SYT1: variants seen among roughly 807,000 people sequenced by gnomAD.
SYT1 encodes synaptotagmin-1.
Under a neutral mutation model 44.8 loss-of-function variants are expected in SYT1, and 8 were observed. The observed-to-expected ratio is 0.18, with a 90% CI of 0.10 to 0.32. The LOEUF is 0.32. Among genes scored for constraint, SYT1 ranks in the 10% least tolerant of loss-of-function variants. The pLI is 1.00. For missense variants in SYT1, 286 were observed against 509.3 expected (o/e 0.56, Z 4.22); for synonymous variants, 154 against 188.8 (o/e 0.82, Z 1.51).
chr12:78,889,466 G>A (rs757052016), intron 1 of SYT1, among the ~76,000 whole-genome samples: 1 of 151,874 alleles, frequency 6.6e-6, no homozygotes, highest in Non-Finnish European at 1.5e-5. Context: ...TCTACAATAG[G>A]TAAAAAGAGA....
At chr12:79,083,023 A>G (rs1164611518) in intron 3 of SYT1, among the ~76,000 whole-genome samples, 3 of 152,182 alleles carry the variant, frequency 2.0e-5, no homozygotes, top group Admixed American at 2.0e-4. Context: ...AACAGACACA[A>G]ATGAAAAAAA....
intron 1 of SYT1, among the ~76,000 whole-genome samples, chr12:78,884,223 GATT>G (rs1350614571): frequency 6.6e-6 from 1 of 151,356 alleles, no homozygotes; most frequent in African/African-American, 2.4e-5. Context: ...TTTTCAGTTA[GATT>G]ATTTTATTTA....
chr12:78,899,128 T>C (rs1324006939), intron 1 of SYT1, among the ~76,000 whole-genome samples: 1 of 152,082 alleles, frequency 6.6e-6, no homozygotes, highest in Non-Finnish European at 1.5e-5. Flanking sequence ...GTGGAAACTA[T>C]TGCTCACTAA....
intron 1 of SYT1, among the ~76,000 whole-genome samples, chr12:78,888,812 C>T (rs1874886352): frequency 6.6e-6 from 1 of 151,890 alleles, no homozygotes; most frequent in African/African-American, 2.4e-5. Context: ...CTCCTGCTCA[C>T]TGTCACTTCT....
At chr12:79,223,696 G>A (rs759600491) in intron 4 of SYT1, among the ~76,000 whole-genome samples, 1 of 152,164 alleles carries the variant, frequency 6.6e-6, no homozygotes, top group Non-Finnish European at 1.5e-5. Context: ...TACCAACCCA[G>A]TGGCGATACA....
intron 3 of SYT1, among the ~76,000 whole-genome samples, chr12:79,138,697 T>C (rs1812656445): frequency 6.6e-6 from 1 of 152,212 alleles, no homozygotes; most frequent in African/African-American, 2.4e-5. Context: ...AAACAAACGA[T>C]GCCTGGCATA....
intron 9 of SYT1, among the ~76,000 whole-genome samples, chr12:79,441,433 A>G (rs1395815090): frequency 6.6e-6 from 1 of 151,854 alleles, no homozygotes; most frequent in Admixed American, 6.6e-5. Context: ...CTCCTGCCTC[A>G]CCTTTGGAGT....
chr12:78,899,341 C>T (rs1875533572), intron 1 of SYT1, among the ~76,000 whole-genome samples: 1 of 151,780 alleles, frequency 6.6e-6, no homozygotes, highest in African/African-American at 2.4e-5. Flanking sequence ...CTAAGAAATG[C>T]AGAATGTCAA....
chr12:79,427,811 G>A (rs528442142), intron 9 of SYT1, among the ~76,000 whole-genome samples: 2 of 152,290 alleles, frequency 1.3e-5, no homozygotes, highest in Admixed American at 1.3e-4. Context: ...GGAGCGTCCT[G>A]AGAGAAGAAA....
chr12:79,194,716 G>C (rs1592842020), intron 3 of SYT1, among the ~76,000 whole-genome samples: 1 of 152,072 alleles, frequency 6.6e-6, no homozygotes, highest in East Asian at 1.9e-4. Flanking sequence ...ATCATGAAGG[G>C]TATGTGTGTG....
At chr12:79,408,396 C>T (rs4609662) in intron 9 of SYT1, among the ~76,000 whole-genome samples, 20,767 of 152,154 alleles carry the variant, frequency 0.14, 1,855 homozygotes, top group Middle Eastern at 0.34. Flanking sequence ...CTCCAGAAAA[C>T]AAACAGATAT....
chr12:79,102,360 A>G (rs1878493221), intron 3 of SYT1, among the ~76,000 whole-genome samples: 1 of 151,924 alleles, frequency 6.6e-6, no homozygotes. Context: ...TGACAAAGAC[A>G]TGACACTCAA....
At chr12:79,367,416 G>T (rs938378861) in intron 9 of SYT1, among the ~76,000 whole-genome samples, 9 of 152,132 alleles carry the variant, frequency 5.9e-5, no homozygotes, top group African/African-American at 2.2e-4. Context: ...TTTGCCCCAG[G>T]TAATAAATAC....
At chr12:79,080,986 G>A (rs1876993100) in intron 3 of SYT1, among the ~76,000 whole-genome samples, 1 of 152,180 alleles carries the variant, frequency 6.6e-6, no homozygotes, top group Admixed American at 6.5e-5. Flanking sequence ...CTAGATGGGG[G>A]ATTTAGGTCA....
intron 1 of SYT1, among the ~76,000 whole-genome samples, chr12:78,881,679 G>A (rs1192052092): frequency 6.6e-6 from 1 of 151,510 alleles, no homozygotes; most frequent in Non-Finnish European, 1.5e-5. Flanking sequence ...GCAGTCTAGG[G>A]AAACCAAGTA....
At chr12:79,139,600 G>T (rs1407267647) in intron 3 of SYT1, among the ~76,000 whole-genome samples, 1 of 151,898 alleles carries the variant, frequency 6.6e-6, no homozygotes, top group East Asian at 1.9e-4. Flanking sequence ...AATGTTAATG[G>T]TACTTTTTGA....
At chr12:79,011,321 T>G (rs1276013499) in intron 2 of SYT1, among the ~76,000 whole-genome samples, 2 of 152,178 alleles carry the variant, frequency 1.3e-5, no homozygotes, top group Non-Finnish European at 2.9e-5. Flanking sequence ...CATACCAGCT[T>G]AGAAGAAGGA....
chr12:78,909,047 C>CT (rs1320054378), intron 1 of SYT1, among the ~76,000 whole-genome samples: 2 of 151,836 alleles, frequency 1.3e-5, no homozygotes, highest in Non-Finnish European at 2.9e-5. Context: ...TTGCTCCTCC[C>CT]TGTGGATATG....
rs73347381 is a variant in SYT1 at position 79,217,699 on chromosome 12, A to G, written c.166+14A>G. On this transcript the variant is annotated intron_variant, in intron 4 of 10. Coordinates refer to ENST00000261205, the MANE Select transcript of SYT1 (RefSeq NM_005639.3). ...ATAAAATTCCATGTGAGTATTCTAT[A>G]TTAGTACTTGAGTAAAAATAAGTGG... 761 of 1,595,044 alleles carry G rather than the reference A, an allele frequency of 4.8e-4. 4 individuals carry two copies. The African/African-American group carries it at 9.4e-3, about 20-fold the overall frequency.
Sources: gnomAD v4.1 joint callset for allele counts (sites outside exome capture counted in the v4.1 genomes callset) on GRCh38, gnomAD v4.1.1 for gene constraint, MANE v1.5 for transcripts, NCBI Gene and HGNC (gene_info 2026-07-23, HGNC 2026-07-21) for gene names.